ARSF: variants seen among roughly 807,000 people sequenced by gnomAD.
ARSF encodes the protein arylsulfatase F.
ARSF carries 33 observed loss-of-function variants against 35.4 expected under a neutral mutation model. The ratio of observed to expected loss-of-function variants is 0.93; its 90% CI spans 0.71 to 1.25. The LOEUF (loss-of-function observed/expected upper bound fraction) is 1.25, where lower values mean the gene tolerates loss of function less well. Ranked by LOEUF, ARSF falls within the 50% of genes most tolerant of loss-of-function variation. The pLI is 0.00. For synonymous variants in ARSF, 222 were observed against 193.1 expected (o/e 1.15, Z -1.24); for missense variants, 501 against 480.2 (o/e 1.04, Z -0.40).
chrX:3,093,634 C>T (rs1030138771), intron 7 of ARSF, among the ~76,000 whole-genome samples: 1 of 111,717 alleles, frequency 9.0e-6, no homozygotes, highest in African/African-American at 3.3e-5. Context: ...GCATCTGTAC[C>T]ACATTTTCTT....
intron 9 of ARSF, among the ~76,000 whole-genome samples, chrX:3,108,161 A>G (rs2090422621): frequency 8.9e-6 from 1 of 112,226 alleles, no homozygotes; most frequent in East Asian, 2.8e-4. Flanking sequence ...TCATTGATCC[A>G]TTGAAACCCT....
intron 4 of ARSF, among the ~76,000 whole-genome samples, chrX:3,077,795 A>ATTATTATTATTG (rs1481836907): frequency 1.0e-5 from 1 of 97,560 alleles, no homozygotes; most frequent in Non-Finnish European, 2.0e-5. Flanking sequence ...TTTATTTATT[A>ATTATTATTATTG]TTATTATTAT....
chrX:3,067,374 A>G (rs1436508538), intron 1 of ARSF, among the ~76,000 whole-genome samples: 1 of 111,372 alleles, frequency 9.0e-6, no homozygotes, highest in Non-Finnish European at 1.9e-5. Context: ...GCCACTGCCA[A>G]CTAAATATAA....
intron 7 of ARSF, among the ~76,000 whole-genome samples, chrX:3,092,176 GATACATACATAC>G (rs776181940): frequency 4.9e-5 from 2 of 41,117 alleles, no homozygotes; most frequent in African/African-American, 7.5e-5. Context: ...ATGATAGATA[GATACATACATAC>G]ATACATACAT....
At chrX:3,045,870 TTTTG>T (rs768879619) in intron 1 of ARSF, among the ~76,000 whole-genome samples, 4 of 108,333 alleles carry the variant, frequency 3.7e-5, no homozygotes, top group Non-Finnish European at 3.8e-5. Context: ...CGCCTGTTTT[TTTTG>T]TTTGTTTTGT....
At chrX:3,063,793 A>G (rs1489355463) in intron 1 of ARSF, among the ~76,000 whole-genome samples, 2 of 111,987 alleles carry the variant, frequency 1.8e-5, no homozygotes, top group Non-Finnish European at 3.8e-5. Flanking sequence ...CCACTGCTCA[A>G]CGAAATAAAA....
Position 3,077,070 on chromosome X carries a change from A to C in ARSF, c.283+401A>C, listed in dbSNP as rs1161915866. ...AAAAAAAAAGATACAAAGGAAAGAA[A>C]AGAAAAAGCACACATGTGCATAGGT... On this transcript the variant is annotated intron_variant, in intron 4 of 10. Coordinates refer to ENST00000381127, the MANE Select transcript of ARSF (RefSeq NM_001201539.2). Among the ~76,000 whole-genome samples, 8 of 111,712 alleles carry C rather than the reference A, an allele frequency of 7.2e-5. No individual in the cohort carries two copies. In the East Asian group the frequency reaches 2.3e-3, roughly 32 times the overall value.
chrX:3,098,651 AGC>A (rs1351087962), intron 7 of ARSF, among the ~76,000 whole-genome samples: 6 of 111,335 alleles, frequency 5.4e-5, no homozygotes, highest in African/African-American at 1.6e-4. Flanking sequence ...TGTCCTCTCC[AGC>A]CACGTAGAAC....
At chrX:3,042,880 C>T (rs113319353) in intron 1 of ARSF, among the ~76,000 whole-genome samples, 4,138 of 110,558 alleles carry the variant, frequency 0.037, 182 homozygotes, top group African/African-American at 0.13. Context: ...AGTTAGGCTG[C>T]GTGCATTGGG....
At chrX:3,045,517 T>G (rs2089971058) in intron 1 of ARSF, among the ~76,000 whole-genome samples, 1 of 110,578 alleles carries the variant, frequency 9.0e-6, no homozygotes, top group Admixed American at 9.7e-5. Context: ...TAGGACTAGA[T>G]GTGTCATTTG....
At chrX:3,082,512 A>G (rs926933641) in intron 5 of ARSF, among the ~76,000 whole-genome samples, 3 of 111,295 alleles carry the variant, frequency 2.7e-5, no homozygotes, top group East Asian at 2.8e-4. Flanking sequence ...TCATTCATCT[A>G]TCATGTATCT....
chrX:3,090,566 A>G (rs1310887096), intron 7 of ARSF, among the ~76,000 whole-genome samples: 5 of 111,898 alleles, frequency 4.5e-5, no homozygotes, highest in African/African-American at 1.6e-4. Flanking sequence ...TACTTAGGAG[A>G]CTGAAGCGGG....
At position 3,093,131 on chromosome X, in the gene ARSF, C is replaced by G. The variant is rs913713463; in HGVS notation, c.967+3499C>G. Among the ~76,000 whole-genome samples, 6 of 111,813 alleles carry G rather than the reference C, an allele frequency of 5.4e-5. No individual in the cohort carries two copies. In the Admixed American group the frequency reaches 5.7e-4, roughly 11 times the overall value. ...CAGTGGCCGAGATCGCGCCACTGCA[C>G]TCCAGCCTGGGCAACGGAGCGAGAC... On this transcript the variant is annotated intron_variant, in intron 7 of 10. Coordinates refer to ENST00000381127, the MANE Select transcript of ARSF (RefSeq NM_001201539.2).
chrX:3,044,031 C>T (rs1414112164), intron 1 of ARSF, among the ~76,000 whole-genome samples: 1 of 111,538 alleles, frequency 9.0e-6, no homozygotes, highest in Non-Finnish European at 1.9e-5. Context: ...AAGCGATCCA[C>T]CCGTCTTGGC....
rs140856651 is a variant in ARSF at position 3,084,268 on chromosome X, C to T, written c.432C>T (p.Cys144=). The T allele has an allele frequency of 2.1e-5, 25 of 1,209,051 alleles. No homozygotes were observed. Among genetic ancestry groups the T allele is most frequent in the East Asian group, 1.5e-4 (5 of 33,778 alleles). ...LIGKWHQGLN[C]DSRSDQCHHP... is the part of the protein sequence containing the mutation. Reference sequence around the variant, plus strand: ...GCAAATGGCACCAAGGCTTGAACTGCGACTCCCGAAGTGACCAGTGCCACC... The same window carrying T: ...GCAAATGGCACCAAGGCTTGAACTGTGACTCCCGAAGTGACCAGTGCCACC... Residue 144 remains cysteine (C), a synonymous_variant, in exon 6 of 11, where the codon TGC becomes TGT. Transcript: ENST00000381127.
intron 1 of ARSF, among the ~76,000 whole-genome samples, chrX:3,063,464 G>A (rs2090050636): frequency 9.0e-6 from 1 of 111,435 alleles, no homozygotes; most frequent in Non-Finnish European, 1.9e-5. Flanking sequence ...GGGCAATCAG[G>A]CAAGAGAAAG....
intron 1 of ARSF, among the ~76,000 whole-genome samples, chrX:3,048,135 A>G (rs1351050628): frequency 8.9e-6 from 1 of 112,030 alleles, no homozygotes; most frequent in Non-Finnish European, 1.9e-5. Context: ...TGGGAGATAC[A>G]ATTCAAGATG....
At chrX:3,076,782 C>T (rs975094526) in intron 4 of ARSF, 113 bp downstream of exon 4, 4 of 1,030,009 alleles carry the variant, frequency 3.9e-6, no homozygotes, top group Non-Finnish European at 3.9e-6. Flanking sequence ...CGATGGCTCA[C>T]GCCTGTAATC....
chrX:3,086,494 G>A (rs777996444), intron 6 of ARSF, among the ~76,000 whole-genome samples: 1 of 112,187 alleles, frequency 8.9e-6, no homozygotes, highest in Admixed American at 9.5e-5. Context: ...TGGATTCTCA[G>A]TGTATGACTC....
Sources: allele counts gnomAD v4.1 joint callset (sites outside exome capture counted in the v4.1 genomes callset), GRCh38; gene constraint gnomAD v4.1.1; transcripts MANE v1.5; gene names NCBI Gene and HGNC (gene_info 2026-07-23, HGNC 2026-07-21).